PTHLH: variants seen among roughly 807,000 people sequenced by gnomAD.
PTHLH encodes the protein parathyroid hormone-related protein.
A neutral mutation model predicts 18.6 loss-of-function variants in PTHLH; 5 were observed. That is an observed-to-expected ratio of 0.27 (90% CI 0.14 to 0.56). The LOEUF (loss-of-function observed/expected upper bound fraction) is 0.56, where lower values mean the gene tolerates loss of function less well. PTHLH is among the 20% of genes least tolerant of loss of function. The pLI is 0.92. For synonymous variants in PTHLH, 90 were observed against 94.0 expected (o/e 0.96, Z 0.25); for missense variants, 207 against 223.9 (o/e 0.92, Z 0.48).
In PTHLH at chr12:27,970,186, G is replaced by A. The variant is rs1175063926; in HGVS notation, c.-184C>T. 7.8e-6 allele frequency: 4 copies of A among 513,458 alleles called. No individual in the cohort carries two copies. Among genetic ancestry groups the A allele is most frequent in the South Asian group, 1.4e-5 (1 of 71,144 alleles). 31.8% of individuals were successfully genotyped at this position (513,458 alleles called of 1,614,324 possible). ...AGGCGGCAGCCCCGCTTCACGGGCG[G>A]GGAGACATGCTGGCCGGGCGGCGCA... On this transcript the variant is annotated 5_prime_UTR_variant, in exon 3 of 6. Coordinates refer to ENST00000545234, the MANE Select transcript of PTHLH (RefSeq NM_198965.2).
Position 27,958,292 on chromosome 12 carries a change from A to C in PTHLH, c.*267T>G, listed in dbSNP as rs1358297157. On this transcript the variant is annotated 3_prime_UTR_variant, in exon 6 of 6. Transcript: ENST00000545234. ...GCATTATGTTACAAAAAATATAGAA[A>C]TTCAGCAGCACCAAGATACATTTAC... 6.4e-6 allele frequency: 2 copies of C among 312,890 alleles called. No homozygotes were observed. The highest frequency in any genetic ancestry group is 4.9e-5 in the East Asian group (1 of 20,264). 19.4% of individuals were successfully genotyped at this position (312,890 alleles called of 1,614,324 possible).
intron 2 of PTHLH, among the ~76,000 whole-genome samples, chr12:27,971,069 C>G (rs563718575): frequency 6.6e-6 from 1 of 152,212 alleles, no homozygotes; most frequent in South Asian, 2.1e-4. Context: ...GACCGACACT[C>G]CTGGAGCACG....
chr12:27,971,025 A>G (rs1246131360), intron 2 of PTHLH, among the ~76,000 whole-genome samples: 1 of 152,114 alleles, frequency 6.6e-6, no homozygotes, highest in Non-Finnish European at 1.5e-5. Context: ...AAACCCGCGC[A>G]CAGGAGAGAT....
At chr12:27,968,507 A>G (rs1014264902) in intron 4 of PTHLH, among the ~76,000 whole-genome samples, 1 of 152,184 alleles carries the variant, frequency 6.6e-6, no homozygotes, top group East Asian at 1.9e-4. Flanking sequence ...AGATCACCCA[A>G]CTATGGTGTT....
intron 4 of PTHLH, chr12:27,969,192 G>A: frequency 1.7e-6 from 1 of 596,108 alleles, no homozygotes; most frequent in Non-Finnish European, 3.0e-6. Flanking sequence ...TCTCTTGCCT[G>A]TCTCCCGTTG....
At chr12:27,972,341 C>A (rs1008001245) in intron 1 of PTHLH, among the ~76,000 whole-genome samples, 182 bp downstream of exon 1, 2 of 152,008 alleles carry the variant, frequency 1.3e-5, no homozygotes, top group Admixed American at 6.6e-5. Context: ...ACAAAATTAA[C>A]CCCCCACTCC....
chr12:27,969,858 CTAAT>C, intron 3 of PTHLH, 163 bp downstream of exon 3: 1 of 528,132 alleles, frequency 1.9e-6, no homozygotes, highest in Non-Finnish European at 3.8e-6. Context: ...ATAGCAATGT[CTAAT>C]TAATCTGGCC....
chr12:27,966,419 A>G (rs567430894), intron 4 of PTHLH, among the ~76,000 whole-genome samples: 16 of 152,338 alleles, frequency 1.1e-4, no homozygotes, highest in African/African-American at 3.1e-4. Flanking sequence ...TTCTGCAATT[A>G]AAGTATTGTG....
At position 27,962,154 on chromosome 12, in the gene PTHLH, G is replaced by A. The variant is rs541568676; in HGVS notation, c.524+1194C>T. On this transcript the variant is annotated intron_variant, in intron 5 of 5. Coordinates refer to ENST00000545234, the MANE Select transcript of PTHLH (RefSeq NM_198965.2). Reference sequence around the variant, plus strand: ...CAAGGACTACTCAGGTCTTTTAGCCGTGGAATGCCTTGGCTTTCTATTTTA... The same window carrying A: ...CAAGGACTACTCAGGTCTTTTAGCCATGGAATGCCTTGGCTTTCTATTTTA... 7.2e-5 allele frequency among the ~76,000 whole-genome samples: 11 copies of A among 152,170 alleles called. 1 individual carries two copies. The East Asian group carries it at 7.7e-4, about 11-fold the overall frequency.
intron 5 of PTHLH, chr12:27,962,964 A>C (rs1488123629): frequency 8.8e-7 from 1 of 1,132,134 alleles, no homozygotes; most frequent in Non-Finnish European, 1.1e-6. Flanking sequence ...GAAATGAAAA[A>C]CACTGAAGAA....
Position 27,969,487 on chromosome 12 carries a change from C to T in PTHLH, c.8G>A (p.Arg3Gln), listed in dbSNP as rs2120671249. The T allele has an allele frequency of 1.9e-6, 3 of 1,581,944 alleles. No homozygotes were observed. Among genetic ancestry groups the T allele is most frequent in the Middle Eastern group, 1.7e-4 (1 of 6,032 alleles). MQ[R>Q]RLVQQWSVAV... is the part of the protein sequence containing the mutation. ...GACGCTCCACTGCTGAACCAGTCTC[C>T]GCTGCATCGTCTCCGCTCGCGCTCG... is the stretch of plus-strand genomic sequence containing the variant. The change falls in exon 4 of 6, where the codon CGG becomes CAG. Residue 3 changes from arginine (R) to glutamine (Q), a missense_variant. Coordinates refer to ENST00000545234, the MANE Select transcript of PTHLH (RefSeq NM_198965.2).
intron 4 of PTHLH, chr12:27,969,085 C>A (rs903150164): frequency 2.4e-5 from 9 of 378,550 alleles, no homozygotes; most frequent in Middle Eastern, 7.5e-4. Flanking sequence ...TAACCACCAC[C>A]CCCCAACTTT....
chr12:27,969,127 C>T (rs1449322074), intron 4 of PTHLH: 1 of 504,208 alleles, frequency 2.0e-6, no homozygotes, highest in Admixed American at 3.2e-5. Flanking sequence ...GAGGATCTTT[C>T]CCTAGAAGAG....
chr12:27,969,626 G>A lies in PTHLH; in HGVS notation c.-22-110C>T, dbSNP rs2062850767. 4.1e-6 allele frequency: 4 copies of A among 986,062 alleles called. No homozygotes were observed. The East Asian group carries it at 7.2e-5, about 18-fold the overall frequency. The allele number at this position is 986,062 out of a possible 1,614,324, so 61.1% of individuals were successfully genotyped here. On this transcript the variant is annotated intron_variant, in intron 3 of 5. Transcript: ENST00000545234. ...CTCAAAAAGCCTCTTCAACATCAAG[G>A]GCATCTCCCAAGTTGAAAAGAAAAA...
intron 4 of PTHLH, among the ~76,000 whole-genome samples, chr12:27,968,539 G>A (rs2062837536): frequency 6.6e-6 from 1 of 152,152 alleles, no homozygotes; most frequent in South Asian, 2.1e-4. Flanking sequence ...TGAACTGCTA[G>A]GTCCAACAGA....
intron 4 of PTHLH, 130 bp downstream of exon 4, chr12:27,969,264 G>C: frequency 1.1e-6 from 1 of 886,108 alleles, no homozygotes; most frequent in Non-Finnish European, 1.7e-6. Flanking sequence ...CAGGTATCCG[G>C]GATGGTCCCT....
chr12:27,971,372 T>G (rs27633), intron 2 of PTHLH, among the ~76,000 whole-genome samples: 66,022 of 151,788 alleles, frequency 0.43, 15,040 homozygotes, highest in African/African-American at 0.57. Flanking sequence ...GTGGATACCC[T>G]CCCCAGGGCT....
At chr12:27,968,598 G>T (rs377693592) in intron 4 of PTHLH, among the ~76,000 whole-genome samples, 32 of 152,252 alleles carry the variant, frequency 2.1e-4, no homozygotes, top group Non-Finnish European at 4.1e-4. Context: ...TCAGTCACAC[G>T]ACATAGTGAT....
At position 27,962,232 on chromosome 12, in the gene PTHLH, C is replaced by CTAGATAGATAGA. The variant is rs35742272; in HGVS notation, c.524+1104_524+1115dup. 6.1e-3 allele frequency: 1,562 copies of CTAGATAGATAGA among 255,154 alleles called. 17 individuals carry two copies. Among genetic ancestry groups the CTAGATAGATAGA allele is most frequent in the African/African-American group, 0.024 (1,071 of 44,232 alleles). 15.8% of individuals were successfully genotyped at this position (255,154 alleles called of 1,614,324 possible). On this transcript the variant is annotated intron_variant, in intron 5 of 5. Coordinates refer to ENST00000545234, the MANE Select transcript of PTHLH (RefSeq NM_198965.2). ...TTTTGCCTCATAGAAACATACCCCC[C>CTAGATAGATAGA]TAGATAGATAGATAGATAGATAGAT...
Sources: allele counts gnomAD v4.1 joint callset (sites outside exome capture counted in the v4.1 genomes callset), GRCh38; gene constraint gnomAD v4.1.1; transcripts MANE v1.5; gene names NCBI Gene and HGNC (gene_info 2026-07-23, HGNC 2026-07-21).